The following UBE2R2 variants were observed in gnomAD, a reference collection of about 807,000 sequenced individuals.
UBE2R2 encodes the protein ubiquitin conjugating enzyme E2 R2.
A neutral mutation model predicts 27.8 loss-of-function variants in UBE2R2; 1 was observed. That is an observed-to-expected ratio of 0.04 (90% CI 0.01 to 0.17). UBE2R2 has a LOEUF of 0.17. UBE2R2 is among the 10% of genes least tolerant of loss of function. UBE2R2 has a pLI of 1.00. For synonymous variants in UBE2R2, 106 were observed against 113.3 expected (o/e 0.94, Z 0.41); for missense variants, 100 against 291.0 (o/e 0.34, Z 4.78).
intron 1 of UBE2R2, among the ~76,000 whole-genome samples, chr9:33,848,254 A>G (rs1820888764): frequency 6.6e-6 from 1 of 152,158 alleles, no homozygotes; most frequent in Non-Finnish European, 1.5e-5. Flanking sequence ...AATCATAGTC[A>G]TTTTAAAGTC....
chr9:33,820,746 T>C (rs1825967899), intron 1 of UBE2R2, among the ~76,000 whole-genome samples: 1 of 152,254 alleles, frequency 6.6e-6, no homozygotes, highest in Non-Finnish European at 1.5e-5. Context: ...GGACTGCCAG[T>C]CATTCTTTAC....
At chr9:33,837,137 A>C (rs986315286) in intron 1 of UBE2R2, among the ~76,000 whole-genome samples, 1 of 151,994 alleles carries the variant, frequency 6.6e-6, no homozygotes. Context: ...GTTTTTCCTC[A>C]TGTTTTTTGG....
chr9:33,856,804 T>C (rs1180770534), intron 1 of UBE2R2, among the ~76,000 whole-genome samples: 1 of 151,770 alleles, frequency 6.6e-6, no homozygotes, highest in Non-Finnish European at 1.5e-5. Context: ...TTTACTTCTG[T>C]CCTTCCGTCC....
intron 1 of UBE2R2, among the ~76,000 whole-genome samples, chr9:33,838,067 T>TA (rs1820652423): frequency 1.3e-5 from 2 of 152,146 alleles, no homozygotes; most frequent in South Asian, 4.1e-4. Context: ...CCCCCACTGA[T>TA]ACCAAAATCT....
rs533722596 is a variant in UBE2R2, at chr9:33,829,533, G to C, written c.177+11599G>C. 6.8e-4 allele frequency among the ~76,000 whole-genome samples: 103 copies of C among 152,220 alleles called. 1 individual carries two copies. The South Asian group carries it at 0.021, about 31-fold the overall frequency. On this transcript the variant is annotated intron_variant, in intron 1 of 4. Coordinates refer to ENST00000263228, the MANE Select transcript of UBE2R2 (RefSeq NM_017811.4). ...AACTGCATGGGTACCCGCAAAATCT[G>C]TTTTTATAAAAAGTTGATTTTGGGA... is the stretch of plus-strand genomic sequence containing the variant.
chr9:33,862,013 C>T (rs117101757), intron 1 of UBE2R2, among the ~76,000 whole-genome samples: 3,248 of 151,960 alleles, frequency 0.021, 52 homozygotes, highest in Non-Finnish European at 0.031. Context: ...GCCACCATGC[C>T]TGACTAGTTT....
chr9:33,861,871 TA>T (rs1821245391), intron 1 of UBE2R2, among the ~76,000 whole-genome samples: 1 of 147,634 alleles, frequency 6.8e-6, no homozygotes, highest in East Asian at 2.0e-4. Context: ...TTTTTTTTTT[TA>T]AGACGGAGTC....
At chr9:33,911,532 T>C (rs560277643) in intron 3 of UBE2R2, among the ~76,000 whole-genome samples, 1 of 152,130 alleles carries the variant, frequency 6.6e-6, no homozygotes, top group South Asian at 2.1e-4. Flanking sequence ...CCATTTAATT[T>C]GTAATTTTTA....
At chr9:33,853,774 ATTTTTT>A (rs749498528) in intron 1 of UBE2R2, among the ~76,000 whole-genome samples, 1 of 112,270 alleles carries the variant, frequency 8.9e-6, no homozygotes, top group Non-Finnish European at 1.8e-5. Flanking sequence ...CTTCCTTCCA[ATTTTTT>A]TTTTTTTTTT....
intron 3 of UBE2R2, among the ~76,000 whole-genome samples, chr9:33,908,521 A>G (rs1333643582): frequency 1.3e-5 from 2 of 151,062 alleles, no homozygotes; most frequent in East Asian, 3.8e-4. Context: ...CTCTTCAGAC[A>G]GAAGAAAACT....
intron 2 of UBE2R2, 102 bp downstream of exon 2, chr9:33,887,069 G>C: frequency 2.2e-6 from 2 of 912,158 alleles, no homozygotes; most frequent in Non-Finnish European, 3.3e-6. Flanking sequence ...GGCTTTTGTA[G>C]CCATAGAGAA....
chr9:33,889,269 C>A (rs1251149405), intron 2 of UBE2R2, among the ~76,000 whole-genome samples: 1 of 152,172 alleles, frequency 6.6e-6, no homozygotes, highest in Non-Finnish European at 1.5e-5. Context: ...ATTCCAAGAC[C>A]AAGCCACCAG....
At chr9:33,828,641 A>C (rs1820372738) in intron 1 of UBE2R2, among the ~76,000 whole-genome samples, 1 of 151,870 alleles carries the variant, frequency 6.6e-6, no homozygotes, top group Non-Finnish European at 1.5e-5. Context: ...GGCTCACTGC[A>C]ATCTCCGCCT....
chr9:33,877,827 C>CTCTCTCTCTCTCTCTCTCTCTCTA (rs1563997771), intron 1 of UBE2R2, among the ~76,000 whole-genome samples: 53 of 83,004 alleles, frequency 6.4e-4, no homozygotes, highest in African/African-American at 3.3e-3. Flanking sequence ...CTGTCTGTCT[C>CTCTCTCTCTCTCTCTCTCTCTCTA]TCTCTCTCTC....
At position 33,917,036 on chromosome 9, in the gene UBE2R2, T is replaced by C. The variant is rs1564008800; in HGVS notation, c.516T>C (p.Thr172=). 1.2e-6 allele frequency: 2 copies of C among 1,614,190 alleles called. No individual in the cohort carries two copies. The highest frequency in any genetic ancestry group is 1.7e-6 in the Non-Finnish European group (2 of 1,180,034). The change falls in exon 5 of 5, where the codon ACT becomes ACC. Residue 172 remains threonine (T), a synonymous_variant. Transcript: ENST00000263228. ...CCTTCAGGAAACAAGTTTCAGCCAC[T>C]AAGGCCGAAGCAGAAAAGGATGGAG... The part of the protein sequence containing the change: ...AEIIRKQVSA[T]KAEAEKDGVK...
chr9:33,865,496 T>A (rs1821341548), intron 1 of UBE2R2, among the ~76,000 whole-genome samples: 1 of 152,162 alleles, frequency 6.6e-6, no homozygotes, highest in Non-Finnish European at 1.5e-5. Flanking sequence ...ACGCCTGGCC[T>A]TCTAAATATT....
intron 1 of UBE2R2, among the ~76,000 whole-genome samples, chr9:33,870,050 T>C (rs1182508724): frequency 6.6e-6 from 1 of 152,124 alleles, no homozygotes; most frequent in Non-Finnish European, 1.5e-5. Flanking sequence ...TTTCACTATA[T>C]TGGTCAGTCT....
At chr9:33,897,610 A>T (rs577587340) in intron 2 of UBE2R2, among the ~76,000 whole-genome samples, 13 of 151,076 alleles carry the variant, frequency 8.6e-5, no homozygotes, top group African/African-American at 3.2e-4. Context: ...GAGCCACTGC[A>T]CCTGGCCAGA....
At chr9:33,904,187 G>C (rs1022848140) in intron 3 of UBE2R2, among the ~76,000 whole-genome samples, 2 of 152,216 alleles carry the variant, frequency 1.3e-5, no homozygotes, top group African/African-American at 4.8e-5. Context: ...AGGTTTTAAA[G>C]TAGTAAACTG....
Sources: gnomAD v4.1 joint callset for allele counts (sites outside exome capture counted in the v4.1 genomes callset) on GRCh38, gnomAD v4.1.1 for gene constraint, MANE v1.5 for transcripts, NCBI Gene and HGNC (gene_info 2026-07-23, HGNC 2026-07-21) for gene names.